The following PSG8 variants were observed in gnomAD, a reference collection of about 807,000 sequenced individuals.
The protein encoded by PSG8 is pregnancy-specific beta-1-glycoprotein 8.
A neutral mutation model predicts 42.5 loss-of-function variants in PSG8; 57 were observed. The observed-to-expected ratio is 1.34, with a 90% CI of 1.08 to 1.67. PSG8 has a LOEUF of 1.67. PSG8 is among the 40% of genes most tolerant of loss of function. The pLI, the probability that PSG8 is intolerant of heterozygous loss-of-function variation, is 0.00. For missense variants in PSG8, 783 were observed against 518.6 expected (o/e 1.51, Z -4.95); for synonymous variants, 280 against 196.8 (o/e 1.42, Z -3.54).
chr19:42,755,704 A>T (rs1292676882), intron 3 of PSG8: 2 of 216,348 alleles, frequency 9.2e-6, no homozygotes, highest in African/African-American at 2.3e-5. Flanking sequence ...CATTCTAGAG[A>T]TGAGTAATGA....
chr19:42,764,484 G>T (rs1970165885), intron 1 of PSG8, among the ~76,000 whole-genome samples: 1 of 151,722 alleles, frequency 6.6e-6, no homozygotes, highest in Non-Finnish European at 1.5e-5. Context: ...TATCCTACTA[G>T]GTCAAGGTCA....
At chr19:42,758,636 A>T (rs1969994766) in intron 2 of PSG8, 2 of 292,680 alleles carry the variant, frequency 6.8e-6, no homozygotes, top group South Asian at 7.0e-5. Flanking sequence ...CAGTGCTGGA[A>T]TCTTCTTAGT....
At chr19:42,755,454 T>A in intron 3 of PSG8, 188 bp from the exon 4 acceptor site, 2 of 1,252,088 alleles carry the variant, frequency 1.6e-6, no homozygotes, top group Non-Finnish European at 2.2e-6. Flanking sequence ...GGCCAGCTGC[T>A]CTGTCTTAGG....
At chr19:42,756,366 G>A (rs1376598074) in intron 3 of PSG8, among the ~76,000 whole-genome samples, 1 of 152,096 alleles carries the variant, frequency 6.6e-6, no homozygotes, top group Non-Finnish European at 1.5e-5. Context: ...TGCAAGGTGG[G>A]GAGGTTCTAG....
chr19:42,761,114 C>T (rs1034669219), intron 2 of PSG8, among the ~76,000 whole-genome samples: 2 of 152,076 alleles, frequency 1.3e-5, no homozygotes, highest in Non-Finnish European at 2.9e-5. Context: ...CTGGTGAGTC[C>T]GTGCAAAGAT....
intron 2 of PSG8, among the ~76,000 whole-genome samples, chr19:42,760,419 T>G (rs1970044105): frequency 6.6e-6 from 1 of 152,172 alleles, no homozygotes; most frequent in East Asian, 1.9e-4. Flanking sequence ...AAACAAAATA[T>G]TAAATATGAA....
chr19:42,754,662 C>G (rs1334870768), intron 4 of PSG8, 75 bp from the exon 5 acceptor site: 4 of 1,513,396 alleles, frequency 2.6e-6, no homozygotes, highest in Non-Finnish European at 3.6e-6. Context: ...TAAAGGGACA[C>G]AGTGACCCTC....
chr19:42,757,569 G>T (rs1191475329), intron 3 of PSG8, among the ~76,000 whole-genome samples: 1 of 152,134 alleles, frequency 6.6e-6, no homozygotes, highest in Non-Finnish European at 1.5e-5. Flanking sequence ...GGTGTATGAG[G>T]AGGAAATGGT....
At chr19:42,759,423 C>T (rs1488615273) in intron 2 of PSG8, among the ~76,000 whole-genome samples, 1 of 152,152 alleles carries the variant, frequency 6.6e-6, no homozygotes. Flanking sequence ...ATAGTTCATA[C>T]AGATAAAGTG....
At chr19:42,753,932 AT>A, downstream of PSG8, 1 of 544,542 alleles carries the variant, frequency 1.8e-6, no homozygotes, top group East Asian at 4.8e-5. Context: ...AAATATTTCA[AT>A]TACAGTTCAA....
downstream of PSG8, chr19:42,753,478 G>A: frequency 1.4e-6 from 1 of 724,018 alleles, no homozygotes; most frequent in Non-Finnish European, 2.5e-6. Flanking sequence ...CTCTCTATGG[G>A]CATCTCTAGT....
At chr19:42,757,577 G>A (rs527708592) in intron 3 of PSG8, among the ~76,000 whole-genome samples, 10 of 152,230 alleles carry the variant, frequency 6.6e-5, no homozygotes, top group Non-Finnish European at 1.0e-4. Flanking sequence ...AGGAGGAAAT[G>A]GTGGGGGCAT....
At chr19:42,765,217 A>G (rs1359359303) in intron 1 of PSG8, among the ~76,000 whole-genome samples, 2 of 148,912 alleles carry the variant, frequency 1.3e-5, no homozygotes, top group African/African-American at 5.0e-5. Flanking sequence ...CGATGGCACT[A>G]TCTCAGCTAG....
At chr19:42,763,705 C>T (rs1187965865) in intron 2 of PSG8, 30 of 936,340 alleles carry the variant, frequency 3.2e-5, no homozygotes, top group Admixed American at 1.3e-4. Flanking sequence ...TCCTCTGCAG[C>T]GAGTGTCTGC....
rs11355507 is a variant in PSG8, at chr19:42,763,988, AG to A, written c.357del (p.Tyr120ThrfsTer6). The A allele has an allele frequency of 0.062, 99,977 of 1,613,256 alleles. 4,280 individuals carry two copies. Among genetic ancestry groups the A allele is most frequent in the African/African-American group, 0.16 (11,961 of 74,894 alleles). ...CCTCCCATTATGATGTGTAAGGTGTAGGATCCTGCGTCTTCCTGGGTGACAT... is the reference window on the plus strand; with the variant it reads ...CCTCCCATTATGATGTGTAAGGTGTAGATCCTGCGTCTTCCTGGGTGACAT... ...IQNVTQEDAGSYTLHIIMGGD... is the reference protein window; with the variant it reads ...IQNVTQEDAGXYTLHIIMGGD... On this transcript the variant is annotated frameshift_variant, in exon 2 of 5. Transcript: ENST00000306511. LOFTEE classifies it high-confidence loss of function.
chr19:42,758,107 G>T lies in PSG8; in HGVS notation c.604C>A (p.Leu202Ile). The change falls in exon 3 of 5, where the codon CTC becomes ATC. Residue 202 changes from leucine to isoleucine, a missense_variant. Physicochemically the swap from Leu to Ile is conservative, Grantham distance 5. Coordinates refer to ENST00000306511, the MANE Select transcript of PSG8 (RefSeq NM_182707.3). ...TACTTTGTGACACCCAATAGAAAGA[G>T]GGTCCTGTTGGTTTCAGACAACTGC... ...RLQLSETNRT[L>I]FLLGVTKYTA... is the part of the protein sequence containing the mutation. 6.2e-7 allele frequency: 1 copy of T among 1,614,016 alleles called. No homozygotes were observed. Among genetic ancestry groups the T allele is most frequent in the Non-Finnish European group, 8.5e-7 (1 of 1,179,960 alleles).
intron 2 of PSG8, among the ~76,000 whole-genome samples, chr19:42,762,705 C>A (rs1405230842): frequency 6.6e-6 from 1 of 151,868 alleles, no homozygotes; most frequent in Non-Finnish European, 1.5e-5. Flanking sequence ...GGGCTAAGAT[C>A]TGAGGGGGAG....
intron 1 of PSG8, 63 bp from the exon 2 acceptor site, chr19:42,764,344 C>T (rs1970160873): frequency 6.4e-7 from 1 of 1,557,804 alleles, no homozygotes; most frequent in Non-Finnish European, 8.7e-7. Flanking sequence ...AAACATGGGG[C>T]CCTGGGTCCT....
chr19:42,760,590 T>G, intron 2 of PSG8, among the ~76,000 whole-genome samples: 1 of 151,392 alleles, frequency 6.6e-6, no homozygotes, highest in Non-Finnish European at 1.5e-5. Context: ...CTAACAGCAT[T>G]TTTTTTTTCT....
Sources: allele counts gnomAD v4.1 joint callset (sites outside exome capture counted in the v4.1 genomes callset), GRCh38; gene constraint gnomAD v4.1.1; transcripts MANE v1.5; gene names NCBI Gene and HGNC (gene_info 2026-07-23, HGNC 2026-07-21).